TMEM108: variants seen among roughly 807,000 people sequenced by gnomAD.
The protein encoded by TMEM108 is cancer/testis antigen 124.
A neutral mutation model predicts 35.1 loss-of-function variants in TMEM108; 12 were observed. The ratio of observed to expected loss-of-function variants is 0.34; its 90% CI spans 0.22 to 0.55. The LOEUF (loss-of-function observed/expected upper bound fraction) is 0.55. TMEM108 is among the 20% of genes least tolerant of loss of function. TMEM108 has a pLI of 0.89. For missense variants in TMEM108, 680 were observed against 753.3 expected (o/e 0.90, Z 1.14); for synonymous variants, 287 against 308.6 (o/e 0.93, Z 0.73).
intron 2 of TMEM108, among the ~76,000 whole-genome samples, chr3:133,166,312 A>C (rs1196009325): frequency 6.6e-6 from 1 of 152,222 alleles, no homozygotes; most frequent in Non-Finnish European, 1.5e-5. Context: ...TTACCTATGT[A>C]ACAAATCTGC....
At chr3:133,126,645 A>G (rs543331167) in intron 2 of TMEM108, among the ~76,000 whole-genome samples, 81 of 152,276 alleles carry the variant, frequency 5.3e-4, no homozygotes, top group African/African-American at 1.9e-3. Flanking sequence ...TAATTTTAAC[A>G]GTATATTTTA....
intron 2 of TMEM108, among the ~76,000 whole-genome samples, chr3:133,185,350 T>A (rs1945403193): frequency 6.6e-6 from 1 of 152,056 alleles, no homozygotes. Flanking sequence ...TGAATGGACA[T>A]GTGGATGCTT....
intron 3 of TMEM108, among the ~76,000 whole-genome samples, chr3:133,267,172 C>T (rs114905830): frequency 0.022 from 3,322 of 151,976 alleles, 63 homozygotes; most frequent in Non-Finnish European, 0.028. Flanking sequence ...TTTATTTATT[C>T]CAACATGTAG....
At position 133,203,134 on chromosome 3, in the gene TMEM108, G is replaced by T. The variant is rs775634381; in HGVS notation, c.-46-26132G>T. Among the ~76,000 whole-genome samples, 6 of 152,048 alleles carry T rather than the reference G, an allele frequency of 3.9e-5. No homozygotes were observed. The East Asian group carries it at 9.6e-4, about 24-fold the overall frequency. ...ATAGGAATGCTTGTGATTTTTGCAC[G>T]TTGATTTTGTATCCTGAGACTTTGC... On this transcript the variant is annotated intron_variant, in intron 2 of 5. Transcript: ENST00000321871.
chr3:133,244,364 C>T (rs1447871147), intron 3 of TMEM108, among the ~76,000 whole-genome samples: 3 of 152,146 alleles, frequency 2.0e-5, no homozygotes, highest in African/African-American at 7.2e-5. Context: ...TATCATGTTA[C>T]AAATACAACT....
intron 2 of TMEM108, among the ~76,000 whole-genome samples, chr3:133,209,243 A>G (rs989418700): frequency 8.2e-5 from 12 of 145,672 alleles, no homozygotes; most frequent in African/African-American, 2.8e-4. Context: ...GGGTTTTGCT[A>G]TTTTGCCAAG....
At chr3:133,051,572 TA>T (rs1943404883) in intron 2 of TMEM108, among the ~76,000 whole-genome samples, 1 of 152,130 alleles carries the variant, frequency 6.6e-6, no homozygotes, top group Admixed American at 6.6e-5. Context: ...GTGTTGTATC[TA>T]AAAAGTCATT....
intron 2 of TMEM108, among the ~76,000 whole-genome samples, chr3:133,082,532 C>T (rs1460349519): frequency 6.6e-6 from 1 of 152,176 alleles, no homozygotes; most frequent in Non-Finnish European, 1.5e-5. Flanking sequence ...TTCTGGTTGA[C>T]TCCTTTTGTC....
Position 133,225,083 on chromosome 3 carries a change from C to T in TMEM108, c.-46-4183C>T, listed in dbSNP as rs886529603. ...TTTTTGAGTTGGAGTCCTGCTCTGC[C>T]GCCTAGGCTGGAGTGCAATGGCGTG... On this transcript the variant is annotated intron_variant, in intron 2 of 5. Coordinates refer to ENST00000321871, the MANE Select transcript of TMEM108 (RefSeq NM_023943.4). Among the ~76,000 whole-genome samples the T allele has an allele frequency of 7.3e-5, 11 of 149,718 alleles. No individual in the cohort carries two copies. In the East Asian group the frequency reaches 7.8e-4, roughly 11 times the overall value.
chr3:133,234,941 A>G (rs1339340000), intron 3 of TMEM108, among the ~76,000 whole-genome samples: 4 of 152,232 alleles, frequency 2.6e-5, no homozygotes, highest in Non-Finnish European at 5.9e-5. Context: ...AATCACAAGC[A>G]TTCCTATACG....
intron 2 of TMEM108, among the ~76,000 whole-genome samples, chr3:133,180,985 T>C (rs538808411): frequency 7.3e-6 from 1 of 136,902 alleles, no homozygotes; most frequent in African/African-American, 2.8e-5. Flanking sequence ...TTTCATGTTG[T>C]ACTGGCTATT....
At chr3:133,363,073 T>C (rs988673938) in intron 3 of TMEM108, among the ~76,000 whole-genome samples, 1 of 152,190 alleles carries the variant, frequency 6.6e-6, no homozygotes, top group Admixed American at 6.5e-5. Flanking sequence ...ACTTACTACA[T>C]GCGTGGACCA....
At position 133,370,024 on chromosome 3, in the gene TMEM108, C is replaced by T. The variant is rs1030889006; in HGVS notation, c.41-9728C>T. 4.6e-5 allele frequency among the ~76,000 whole-genome samples: 7 copies of T among 152,128 alleles called. 1 individual carries two copies. Among genetic ancestry groups the T allele is most frequent in the Admixed American group, 4.6e-4 (7 of 15,272 alleles). On this transcript the variant is annotated intron_variant, in intron 3 of 5. Transcript: ENST00000321871. ...AAAGTTGCAACAGTAGTGCAGAGTT[C>T]CTAGATGCCTTGTTTCTACTTTCCT...
At chr3:133,230,741 T>C (rs1321381775) in intron 3 of TMEM108, among the ~76,000 whole-genome samples, 2 of 152,216 alleles carry the variant, frequency 1.3e-5, no homozygotes, top group South Asian at 2.1e-4. Context: ...ATGCCGATTG[T>C]ATGCCCCAAA....
intron 2 of TMEM108, among the ~76,000 whole-genome samples, chr3:133,200,007 G>A (rs749313935): frequency 6.6e-6 from 1 of 152,120 alleles, no homozygotes; most frequent in African/African-American, 2.4e-5. Context: ...CTTGCAGTTC[G>A]ATCTCAGACT....
chr3:133,314,506 G>C (rs1402560916), intron 3 of TMEM108, among the ~76,000 whole-genome samples: 1 of 152,216 alleles, frequency 6.6e-6, no homozygotes, highest in Non-Finnish European at 1.5e-5. Flanking sequence ...CTTTGGGAAA[G>C]AATGGTTGTA....
chr3:133,358,540 T>A (rs1047901830), intron 3 of TMEM108, among the ~76,000 whole-genome samples: 17 of 152,086 alleles, frequency 1.1e-4, no homozygotes, highest in African/African-American at 4.1e-4. Context: ...TTTATTCACA[T>A]AGAGCATGAG....
At chr3:133,154,241 C>T (rs916734495) in intron 2 of TMEM108, among the ~76,000 whole-genome samples, 3 of 151,810 alleles carry the variant, frequency 2.0e-5, no homozygotes, top group African/African-American at 7.3e-5. Flanking sequence ...CTGTAGGTTG[C>T]CTGTTCACTC....
intron 3 of TMEM108, among the ~76,000 whole-genome samples, chr3:133,376,112 A>G (rs551648704): frequency 1.3e-5 from 2 of 152,332 alleles, no homozygotes; most frequent in Admixed American, 6.5e-5. Flanking sequence ...AAAGACAAAC[A>G]TATTTACTTA....
Sources: gnomAD v4.1 joint callset for allele counts (sites outside exome capture counted in the v4.1 genomes callset) on GRCh38, gnomAD v4.1.1 for gene constraint, MANE v1.5 for transcripts, NCBI Gene and HGNC (gene_info 2026-07-23, HGNC 2026-07-21) for gene names.